The following DCC variants were observed in gnomAD, a reference collection of about 807,000 sequenced individuals.
DCC encodes DCC netrin 1 receptor, also known as netrin receptor DCC.
Under a neutral mutation model 172.5 loss-of-function variants are expected in DCC, and 58 were observed. That is an observed-to-expected ratio of 0.34 (90% CI 0.27 to 0.42). The LOEUF is 0.42. DCC is among the 10% of genes least tolerant of loss of function. The probability of loss-of-function intolerance (pLI) is 1.00; values close to 1 mark genes in which losing one functional copy is unlikely to be tolerated. For missense variants in DCC, 1,740 were observed against 1,791.0 expected, an observed-to-expected ratio of 0.97 and a Z score of 0.51; for synonymous variants, 709 against 644.5, an observed-to-expected ratio of 1.10 and a Z score of -1.52.
intron 27 of DCC, among the ~76,000 whole-genome samples, chr18:53,511,733 G>A (rs550866289): frequency 2.6e-5 from 4 of 152,334 alleles, no homozygotes; most frequent in South Asian, 2.1e-4. Flanking sequence ...ACTCCCACCC[G>A]AATACTGGGC....
intron 1 of DCC, among the ~76,000 whole-genome samples, chr18:52,720,086 G>A (rs563531876): frequency 1.3e-5 from 2 of 152,106 alleles, no homozygotes; most frequent in Admixed American, 1.3e-4. Context: ...ATGATACGGT[G>A]GCGCAGGCAG....
intron 5 of DCC, among the ~76,000 whole-genome samples, chr18:52,999,315 C>T (rs990152506): frequency 6.6e-6 from 1 of 152,004 alleles, no homozygotes; most frequent in Admixed American, 6.6e-5. Context: ...TTTGTAGACA[C>T]AGAGCTGTTT....
chr18:53,385,164 A>G (rs1252444722), intron 15 of DCC, among the ~76,000 whole-genome samples: 1 of 151,930 alleles, frequency 6.6e-6, no homozygotes, highest in Non-Finnish European at 1.5e-5. Context: ...CTCAATACAT[A>G]GAGCTCCCTG....
chr18:52,610,506 A>G (rs1046647264), intron 1 of DCC, among the ~76,000 whole-genome samples: 3 of 151,356 alleles, frequency 2.0e-5, no homozygotes, highest in African/African-American at 7.3e-5. Flanking sequence ...TGACCATAAA[A>G]CTAAAGGTTA....
chr18:53,515,189 T>A (rs1043919705), intron 27 of DCC, among the ~76,000 whole-genome samples: 6 of 152,076 alleles, frequency 3.9e-5, no homozygotes, highest in East Asian at 1.9e-4. Context: ...ACAGAGCCAA[T>A]GACAAAAACC....
intron 12 of DCC, among the ~76,000 whole-genome samples, chr18:53,255,161 C>G (rs1440555616): frequency 1.3e-5 from 2 of 151,892 alleles, no homozygotes; most frequent in East Asian, 1.9e-4. Context: ...AATCCCAGGC[C>G]TTTCGGGCCC....
At chr18:52,949,265 C>A (rs144808921) in intron 5 of DCC, among the ~76,000 whole-genome samples, 1,543 of 151,512 alleles carry the variant, frequency 0.01, 36 homozygotes, top group African/African-American at 0.036. Context: ...TCACATAAGC[C>A]TAGAAGAGTT....
chr18:52,511,692 C>T (rs1598877124), intron 1 of DCC, among the ~76,000 whole-genome samples: 1 of 152,294 alleles, frequency 6.6e-6, no homozygotes, highest in Non-Finnish European at 1.5e-5. Context: ...TGGGAATTCT[C>T]GCGTTAAAGT....
intron 7 of DCC, among the ~76,000 whole-genome samples, chr18:53,107,155 C>A (rs1042487232): frequency 1.6e-4 from 24 of 151,692 alleles, no homozygotes; most frequent in African/African-American, 5.1e-4. Flanking sequence ...TTTTACCCAG[C>A]CCCTATTCAA....
intron 16 of DCC, among the ~76,000 whole-genome samples, chr18:53,388,697 A>G (rs1908339048): frequency 6.6e-6 from 1 of 152,266 alleles, no homozygotes; most frequent in African/African-American, 2.4e-5. Flanking sequence ...GAAGACTAAT[A>G]AAACACGCTG....
chr18:53,395,581 T>C (rs1908876822), intron 17 of DCC, among the ~76,000 whole-genome samples: 1 of 152,218 alleles, frequency 6.6e-6, no homozygotes, highest in South Asian at 2.1e-4. Context: ...TGATGGAATT[T>C]CATCTTCCTG....
intron 5 of DCC, among the ~76,000 whole-genome samples, chr18:52,987,346 C>G (rs868377079): frequency 1.9e-4 from 29 of 152,068 alleles, no homozygotes; most frequent in African/African-American, 7.0e-4. Flanking sequence ...ACAGATAAGA[C>G]AAAATGCCAA....
At chr18:52,467,895 G>C (rs900849923) in intron 1 of DCC, among the ~76,000 whole-genome samples, 3 of 152,092 alleles carry the variant, frequency 2.0e-5, no homozygotes, top group African/African-American at 7.2e-5. Context: ...TGATGGGACT[G>C]TTTTCTTTTT....
At chr18:52,397,224 T>C (rs1986264631) in intron 1 of DCC, among the ~76,000 whole-genome samples, 1 of 151,988 alleles carries the variant, frequency 6.6e-6, no homozygotes, top group African/African-American at 2.4e-5. Flanking sequence ...GAATTTCTGA[T>C]TTAATATTCT....
chr18:53,087,543 T>G (rs1390489602), intron 7 of DCC, among the ~76,000 whole-genome samples: 3 of 152,092 alleles, frequency 2.0e-5, no homozygotes, highest in South Asian at 2.1e-4. Context: ...TTTCTCCCAT[T>G]TTGTAGGTTG....
At chr18:53,066,668 A>C in intron 7 of DCC, among the ~76,000 whole-genome samples, 1 of 151,918 alleles carries the variant, frequency 6.6e-6, no homozygotes, top group Middle Eastern at 3.4e-3. Flanking sequence ...TATATACATA[A>C]GGACTGTACA....
intron 21 of DCC, among the ~76,000 whole-genome samples, chr18:53,424,626 T>C (rs1204210967): frequency 7.7e-6 from 1 of 129,622 alleles, no homozygotes; most frequent in Non-Finnish European, 1.8e-5. Context: ...CTAGACTCAA[T>C]GCAAACTATT....
chr18:53,128,864 C>CAT (rs1253869249), intron 7 of DCC, among the ~76,000 whole-genome samples: 9 of 72,116 alleles, frequency 1.2e-4, no homozygotes, highest in East Asian at 9.2e-4. Context: ...CACACACACA[C>CAT]ACACACATAT....
intron 11 of DCC, 52 bp downstream of exon 11, chr18:53,207,869 A>G (rs2055678217): frequency 1.3e-6 from 2 of 1,501,852 alleles, no homozygotes; most frequent in Non-Finnish European, 1.9e-6. Context: ...AATATTGACA[A>G]TAATGACATG....
Sources: allele counts gnomAD v4.1 joint callset (sites outside exome capture counted in the v4.1 genomes callset), GRCh38; gene constraint gnomAD v4.1.1; transcripts MANE v1.5; gene names NCBI Gene and HGNC (gene_info 2026-07-23, HGNC 2026-07-21).